Variants in MBOAT2 observed in about 807,000 individuals in gnomAD.
MBOAT2 encodes membrane bound glycerophospholipid O-acyltransferase 2, also known as membrane-bound glycerophospholipid O-acyltransferase 2.
A neutral mutation model predicts 63.4 loss-of-function variants in MBOAT2; 28 were observed. The observed-to-expected ratio is 0.44, with a 90% confidence interval of 0.33 to 0.61. The LOEUF (loss-of-function observed/expected upper bound fraction) is 0.61. MBOAT2 is among the 20% of genes least tolerant of loss of function. The pLI is 0.03. For missense variants in MBOAT2, 470 were observed against 605.8 expected (o/e 0.78, Z 2.35); for synonymous variants, 211 against 215.6 (o/e 0.98, Z 0.19).
At chr2:8,893,076 A>AGGAGGCAGGGGGAGGGGGTGGGGGG (rs1664132920) in intron 4 of MBOAT2, among the ~76,000 whole-genome samples, 1 of 23,242 alleles carries the variant, frequency 4.3e-5, no homozygotes, top group Non-Finnish European at 8.5e-5. Context: ...GGGGTGGGGG[A>AGGAGGCAGGGGGAGGGGGTGGGGGG]GGAGGCAGGG....
At chr2:8,970,021 A>C (rs1286064166) in intron 1 of MBOAT2, among the ~76,000 whole-genome samples, 1 of 152,234 alleles carries the variant, frequency 6.6e-6, no homozygotes, top group East Asian at 1.9e-4. Context: ...AAGTGGACCT[A>C]ATAGACATCT....
chr2:8,921,143 C>T (rs148142714), intron 3 of MBOAT2, among the ~76,000 whole-genome samples: 305 of 152,170 alleles, frequency 2.0e-3, no homozygotes, highest in Middle Eastern at 6.8e-3. Context: ...ATGTCTCAGG[C>T]CTTTTTTGTT....
intron 8 of MBOAT2, among the ~76,000 whole-genome samples, chr2:8,869,795 G>C (rs1031953467): frequency 6.6e-6 from 1 of 152,156 alleles, no homozygotes; most frequent in African/African-American, 2.4e-5. Context: ...CCATAGAAAT[G>C]GCTGCTGGGG....
chr2:8,968,577 C>T (rs989530002), intron 1 of MBOAT2, among the ~76,000 whole-genome samples: 2 of 152,186 alleles, frequency 1.3e-5, no homozygotes, highest in Non-Finnish European at 2.9e-5. Flanking sequence ...GATCAAACTT[C>T]TCTGAGCTAA....
chr2:8,862,364 C>T lies in MBOAT2; in HGVS notation c.1185+226G>A. On this transcript the variant is annotated intron_variant, in intron 11 of 12. Coordinates refer to ENST00000305997, the MANE Select transcript of MBOAT2 (RefSeq NM_138799.4). This position sits in a 1 kb window ranked among gnomAD's most constrained non-coding sequence, Gnocchi z 4.3. Reference sequence around the variant, plus strand: ...ACATTTTGTGAGTGCCTCCTACCTGCCGGGCACATAGAAACGTGTTTTCTC... The same window carrying T: ...ACATTTTGTGAGTGCCTCCTACCTGTCGGGCACATAGAAACGTGTTTTCTC... 5 of 1,439,208 alleles carry T rather than the reference C, an allele frequency of 3.5e-6. No homozygotes were observed. Among genetic ancestry groups the T allele is most frequent in the Non-Finnish European group, 4.6e-6 (5 of 1,081,858 alleles). The allele number at this position is 1,439,208 out of a possible 1,614,324, so 89.2% of individuals were successfully genotyped here. A position where few individuals can be genotyped will look rare whatever the true frequency, so the allele number is the denominator to read the frequency against.
intron 3 of MBOAT2, among the ~76,000 whole-genome samples, chr2:8,941,094 GA>G (rs1439825940): frequency 6.6e-6 from 1 of 151,706 alleles, no homozygotes; most frequent in Non-Finnish European, 1.5e-5. Context: ...CAGATAATAA[GA>G]AAAAAAGTGA....
At chr2:8,874,863 G>A (rs1188252378) in intron 7 of MBOAT2, among the ~76,000 whole-genome samples, 1 of 152,204 alleles carries the variant, frequency 6.6e-6, no homozygotes, top group Non-Finnish European at 1.5e-5. Flanking sequence ...TGGTGCACCC[G>A]AGTGTGGCTA....
At chr2:8,943,130 G>T (rs540937313) in intron 3 of MBOAT2, 57 bp downstream of exon 3, 3 of 935,238 alleles carry the variant, frequency 3.2e-6, no homozygotes, top group South Asian at 2.5e-5. Flanking sequence ...ATTCTATTTT[G>T]ATGCAGTTCT....
rs1164869836 is a variant in MBOAT2 at position 8,857,210 on chromosome 2, T to C, written c.*1469A>G. Reference sequence around the variant, plus strand: ...TTCATTAAAAATTTAAGGCAAAAAGTAAAAGTAAGTTCCATACATAGGTCA... The same window carrying C: ...TTCATTAAAAATTTAAGGCAAAAAGCAAAAGTAAGTTCCATACATAGGTCA... On this transcript the variant is annotated 3_prime_UTR_variant, in exon 13 of 13. Coordinates refer to ENST00000305997, the MANE Select transcript of MBOAT2 (RefSeq NM_138799.4). 3.9e-5 allele frequency: 6 copies of C among 152,556 alleles called. No homozygotes were observed. The highest frequency in any genetic ancestry group is 7.4e-5 in the Non-Finnish European group (5 of 68,008). The allele number at this position is 152,556 out of a possible 1,614,324, so 9.5% of individuals were successfully genotyped here.
chr2:8,942,908 G>C (rs1036157475), intron 3 of MBOAT2, among the ~76,000 whole-genome samples: 1 of 152,158 alleles, frequency 6.6e-6, no homozygotes, highest in African/African-American at 2.4e-5. Flanking sequence ...GGTGCTACTG[G>C]CATCTAGGTG....
Position 8,854,629 on chromosome 2 carries a change from T to C in MBOAT2, c.*4050A>G, listed in dbSNP as rs1052622321. 17 of 152,206 alleles carry C rather than the reference T, an allele frequency of 1.1e-4. No homozygotes were observed. 9.4% of individuals were successfully genotyped at this position (152,206 alleles called of 1,614,324 possible). A position where few individuals can be genotyped will look rare whatever the true frequency, so the allele number is the denominator to read the frequency against. On this transcript the variant is annotated 3_prime_UTR_variant, in exon 13 of 13. Transcript: ENST00000305997. ...ACTGTTAAGACCAATTAACTAATAA[T>C]TGTGAACAGTTGATAAGGAAACAAA...
At chr2:8,929,330 G>GTTCATTCATTCA (rs56004479) in intron 3 of MBOAT2, among the ~76,000 whole-genome samples, 12 of 151,376 alleles carry the variant, frequency 7.9e-5, no homozygotes, top group African/African-American at 1.7e-4. Context: ...TTATTTATTT[G>GTTCATTCATTCA]TTCATTCATT....
At chr2:8,872,280 G>A (rs1170965712) in intron 8 of MBOAT2, among the ~76,000 whole-genome samples, 1 of 152,030 alleles carries the variant, frequency 6.6e-6, no homozygotes, top group African/African-American at 2.4e-5. Flanking sequence ...ACTACCTAGG[G>A]GTTATTGCTC....
intron 8 of MBOAT2, among the ~76,000 whole-genome samples, chr2:8,868,896 C>T (rs192256534): frequency 6.6e-6 from 1 of 152,282 alleles, no homozygotes; most frequent in Admixed American, 6.5e-5. Context: ...CAAGAAGTTG[C>T]TAAGGGGATG....
chr2:8,872,391 C>A (rs116148711), intron 8 of MBOAT2, among the ~76,000 whole-genome samples: 1 of 152,156 alleles, frequency 6.6e-6, no homozygotes, highest in South Asian at 2.1e-4. Context: ...GGTCCTCTCA[C>A]CCCAGCCTCT....
At chr2:8,870,189 G>A (rs1327564297) in intron 8 of MBOAT2, among the ~76,000 whole-genome samples, 3 of 152,066 alleles carry the variant, frequency 2.0e-5, no homozygotes, top group Non-Finnish European at 4.4e-5. Flanking sequence ...TCAAACTTGA[G>A]TTAAAGGGAA....
At chr2:8,875,377 A>G (rs550554585) in intron 7 of MBOAT2, among the ~76,000 whole-genome samples, 6 of 152,376 alleles carry the variant, frequency 3.9e-5, no homozygotes, top group African/African-American at 1.4e-4. Flanking sequence ...GGAAAGTGAT[A>G]TTTTATGATA....
In MBOAT2 at chr2:9,003,446, C is replaced by G; in HGVS notation, c.75+94G>C. 1 of 839,750 alleles carries G rather than the reference C, an allele frequency of 1.2e-6. No homozygotes were observed. 52.0% of individuals were successfully genotyped at this position (839,750 alleles called of 1,614,324 possible). On this transcript the variant is annotated intron_variant, in intron 1 of 12. Coordinates refer to ENST00000305997, the MANE Select transcript of MBOAT2 (RefSeq NM_138799.4). This position sits in a 1 kb window ranked among gnomAD's most constrained non-coding sequence, Gnocchi z 5.4. ...GGGGGCACCGGGCGCCCGGCCCCAG[C>G]CCCCACCCTCCTCCCGGGCCCCCGG...
intron 3 of MBOAT2, among the ~76,000 whole-genome samples, chr2:8,920,401 C>G (rs1250349237): frequency 6.6e-6 from 1 of 152,124 alleles, no homozygotes; most frequent in African/African-American, 2.4e-5. Context: ...TATGTCTATC[C>G]TTATGCCAAT....
Sources: allele counts gnomAD v4.1 joint callset (sites outside exome capture counted in the v4.1 genomes callset), GRCh38; gene constraint gnomAD v4.1.1; non-coding constraint Gnocchi (gnomAD v3.1); transcripts MANE v1.5; gene names NCBI Gene and HGNC (gene_info 2026-07-23, HGNC 2026-07-21).